RNF150: variants seen among roughly 807,000 people sequenced by gnomAD.
RNF150 encodes ring finger protein 150.
RNF150 carries 24 observed loss-of-function variants against 39.3 expected under a neutral mutation model. The observed-to-expected ratio is 0.61, with a 90% CI of 0.44 to 0.86. The LOEUF (loss-of-function observed/expected upper bound fraction) is 0.86, where lower values mean the gene tolerates loss of function less well. Among genes scored for constraint, RNF150 ranks in the 40% least tolerant of loss-of-function variants. The pLI is 0.00. For synonymous variants in RNF150, 255 were observed against 227.3 expected, an observed-to-expected ratio of 1.12 and a Z score of -1.10; for missense variants, 502 against 587.8, an observed-to-expected ratio of 0.85 and a Z score of 1.51.
At chr4:141,118,215 G>T (rs1726492076) in intron 1 of RNF150, among the ~76,000 whole-genome samples, 1 of 152,148 alleles carries the variant, frequency 6.6e-6, no homozygotes, top group Non-Finnish European at 1.5e-5. Flanking sequence ...CAATTGATAG[G>T]CTGCTTAGAC....
intron 1 of RNF150, among the ~76,000 whole-genome samples, chr4:141,115,778 G>A (rs749202421): frequency 1.1e-4 from 17 of 152,036 alleles, no homozygotes; most frequent in East Asian, 9.6e-4. Context: ...AGCATGGTAC[G>A]GATACCAAAA....
chr4:141,174,609 A>G (rs7666238), intron 1 of RNF150, among the ~76,000 whole-genome samples: 30,347 of 152,074 alleles, frequency 0.2, 3,371 homozygotes, highest in South Asian at 0.34. Context: ...TAGAAAGTTC[A>G]TGAGCCTTAT....
At position 140,976,879 on chromosome 4, in the gene RNF150, A is replaced by G. The variant is rs1733684918; in HGVS notation, c.485-9006T>C. Among the ~76,000 whole-genome samples the G allele has an allele frequency of 3.9e-5, 6 of 152,052 alleles. No homozygotes were observed. In the South Asian group the frequency reaches 1.2e-3, roughly 32 times the overall value. On this transcript the variant is annotated intron_variant, in intron 1 of 6. Transcript: ENST00000515673. ...GTCACCTTTTTTTCACTTGAAATTT[A>G]TGATCACTATCCTCAGTTGAACACC...
At chr4:141,023,596 ATAT>A (rs999639613) in intron 1 of RNF150, among the ~76,000 whole-genome samples, 4 of 152,112 alleles carry the variant, frequency 2.6e-5, no homozygotes, top group Non-Finnish European at 4.4e-5. Context: ...TATATGCAAA[ATAT>A]TATATCAATA....
chr4:140,904,973 A>G (rs1179219655), intron 6 of RNF150, among the ~76,000 whole-genome samples: 2 of 152,212 alleles, frequency 1.3e-5, no homozygotes, highest in Non-Finnish European at 2.9e-5. Flanking sequence ...GTTTATATTA[A>G]GCTCCCCAAA....
rs191844262 is a variant in RNF150 at position 140,985,714 on chromosome 4, T to C, written c.485-17841A>G. Among the ~76,000 whole-genome samples the C allele has an allele frequency of 5.9e-5, 9 of 152,290 alleles. No homozygotes were observed. The East Asian group carries it at 1.5e-3, about 26-fold the overall frequency. Reference sequence around the variant, plus strand: ...CTAAATAATTGTTACTAATGAGATATTTATAAACATATATTTTTATATTGA... The same window carrying C: ...CTAAATAATTGTTACTAATGAGATACTTATAAACATATATTTTTATATTGA... On this transcript the variant is annotated intron_variant, in intron 1 of 6. Transcript: ENST00000515673.
intron 1 of RNF150, among the ~76,000 whole-genome samples, chr4:141,209,409 C>CAACAA (rs1728427208): frequency 6.6e-6 from 1 of 152,068 alleles, no homozygotes; most frequent in Non-Finnish European, 1.5e-5. Context: ...GTTTATTAAT[C>CAACAA]CAGTCTTCTG....
chr4:141,181,212 G>A (rs1372204896), intron 1 of RNF150, among the ~76,000 whole-genome samples: 1 of 152,096 alleles, frequency 6.6e-6, no homozygotes, highest in Non-Finnish European at 1.5e-5. Flanking sequence ...CCCCTGAAGG[G>A]CAAGTGGATT....
At chr4:141,111,111 T>TC (rs2111060737) in intron 1 of RNF150, among the ~76,000 whole-genome samples, 1 of 152,134 alleles carries the variant, frequency 6.6e-6, no homozygotes, top group South Asian at 2.1e-4. Flanking sequence ...AGGGCAACAA[T>TC]GAATTATCAG....
intron 6 of RNF150, among the ~76,000 whole-genome samples, chr4:140,901,716 G>A (rs1002505116): frequency 6.6e-6 from 1 of 152,196 alleles, no homozygotes; most frequent in Non-Finnish European, 1.5e-5. Flanking sequence ...ATTTAAGGGG[G>A]TAACTGGCGA....
chr4:140,937,627 G>A (rs1296370043), intron 4 of RNF150, among the ~76,000 whole-genome samples: 1 of 151,462 alleles, frequency 6.6e-6, no homozygotes, highest in African/African-American at 2.4e-5. Context: ...GAAAGTAGAA[G>A]AAAAACAATA....
intron 1 of RNF150, among the ~76,000 whole-genome samples, chr4:141,108,424 TTAATAA>T (rs1739282341): frequency 6.6e-6 from 1 of 152,206 alleles, no homozygotes; most frequent in Admixed American, 6.5e-5. Context: ...AGTTATATAG[TTAATAA>T]TAATTTATTT....
At chr4:140,991,593 A>T (rs1307533771) in intron 1 of RNF150, among the ~76,000 whole-genome samples, 4 of 152,162 alleles carry the variant, frequency 2.6e-5, no homozygotes, top group Non-Finnish European at 4.4e-5. Flanking sequence ...ACAACCATAA[A>T]ACTTCATTTC....
intron 1 of RNF150, among the ~76,000 whole-genome samples, chr4:141,073,967 T>C (rs1737802393): frequency 6.6e-6 from 1 of 151,916 alleles, no homozygotes; most frequent in South Asian, 2.1e-4. Context: ...AAGGGGGTGA[T>C]TCCTGAGGTA....
intron 1 of RNF150, among the ~76,000 whole-genome samples, chr4:140,974,518 A>T (rs1213153748): frequency 2.6e-5 from 4 of 152,202 alleles, no homozygotes; most frequent in South Asian, 4.1e-4. Flanking sequence ...ATGAATGCAA[A>T]GGAGTATAAC....
At chr4:141,066,841 G>A (rs1737480369) in intron 1 of RNF150, among the ~76,000 whole-genome samples, 2 of 152,146 alleles carry the variant, frequency 1.3e-5, no homozygotes, top group African/African-American at 4.8e-5. Flanking sequence ...GCTATATTTT[G>A]AGAAATGTGT....
chr4:141,198,339 CTTTA>C (rs1384380193), intron 1 of RNF150, among the ~76,000 whole-genome samples: 1 of 152,124 alleles, frequency 6.6e-6, no homozygotes, highest in Non-Finnish European at 1.5e-5. Flanking sequence ...GACCACTCTT[CTTTA>C]TTTGTCTCTT....
At chr4:140,966,909 G>A (rs990565596) in intron 2 of RNF150, among the ~76,000 whole-genome samples, 26 of 152,260 alleles carry the variant, frequency 1.7e-4, no homozygotes, top group Non-Finnish European at 1.3e-4. Flanking sequence ...AAACATGTCC[G>A]TTAATAGGTG....
In RNF150 at chr4:140,969,831, G is replaced by A. The variant is rs144436119; in HGVS notation, c.485-1958C>T. ...GGCTGGAGTGCAGTGGCATGATCTC[G>A]GCTCACTGCAACCTCTGCCTCCCAG... On this transcript the variant is annotated intron_variant, in intron 1 of 6. Transcript: ENST00000515673. Among the ~76,000 whole-genome samples, 1,022 of 140,222 alleles carry A rather than the reference G, an allele frequency of 7.3e-3. 28 individuals carry two copies. Among genetic ancestry groups the A allele is most frequent in the Admixed American group, 0.052 (645 of 12,510 alleles). 92.0% of individuals were successfully genotyped at this position (140,222 alleles called of 152,430 possible).
Sources: allele counts gnomAD v4.1 joint callset (sites outside exome capture counted in the v4.1 genomes callset), GRCh38; gene constraint gnomAD v4.1.1; transcripts MANE v1.5; gene names NCBI Gene and HGNC (gene_info 2026-07-23, HGNC 2026-07-21).